KCNE1: variants seen among roughly 807,000 people sequenced by gnomAD.
KCNE1 encodes the protein potassium voltage-gated channel subfamily E member 1.
In KCNE1, 1 loss-of-function variant was observed where a neutral mutation model predicts 2.9. The observed-to-expected ratio is 0.34, with a 90% CI of 0.12 to 1.62. The LOEUF (loss-of-function observed/expected upper bound fraction) is 1.62, where lower values mean the gene tolerates loss of function less well. KCNE1 is among the 40% of genes most tolerant of loss of function. The pLI is 0.36. For missense variants in KCNE1, 45 were observed against 150.5 expected, an observed-to-expected ratio of 0.30 and a Z score of 3.67; for synonymous variants, 23 against 65.4, an observed-to-expected ratio of 0.35 and a Z score of 3.13.
chr21:34,511,268 T>C lies in KCNE1; in HGVS notation c.-329A>G, dbSNP rs1983828667. The C allele has an allele frequency of 1.0e-6, 1 of 985,406 alleles. No homozygotes were observed. Among genetic ancestry groups the C allele is most frequent in the African/African-American group, 1.7e-5 (1 of 57,240 alleles). The allele number at this position is 985,406 out of a possible 1,614,324, so 61.0% of individuals were successfully genotyped here. A position where few individuals can be genotyped will look rare whatever the true frequency, so the allele number is the denominator to read the frequency against. ...CCTGGTTGAGCTCCAGGCCATGCCA[T>C]TCAACGCCCTCCAGGACAGGCCGAA... On this transcript the variant is annotated 5_prime_UTR_variant, in exon 2 of 4. The change abolishes an upstream ATG in the 5' untranslated region. Coordinates refer to ENST00000399286, the MANE Select transcript of KCNE1 (RefSeq NM_000219.6).
intron 2 of KCNE1, among the ~76,000 whole-genome samples, chr21:34,502,204 T>G (rs993165385): frequency 2.0e-5 from 3 of 152,200 alleles, no homozygotes; most frequent in Non-Finnish European, 2.9e-5. Flanking sequence ...GGGCCCCCTT[T>G]GGTAGAAGGG....
chr21:34,511,237 G>C lies in KCNE1; in HGVS notation c.-298C>G. 1.0e-6 allele frequency: 1 copy of C among 985,568 alleles called. No individual in the cohort carries two copies. 61.1% of individuals were successfully genotyped at this position (985,568 alleles called of 1,614,324 possible). A position where few individuals can be genotyped will look rare whatever the true frequency, so the allele number is the denominator to read the frequency against. On this transcript the variant is annotated 5_prime_UTR_variant, in exon 2 of 4. Transcript: ENST00000399286. ...CTTCTGGTCTCTTCCTCCTGAGCACGGTTCTCCTGGTTGAGCTCCAGGCCA... is the reference window on the plus strand; with the variant it reads ...CTTCTGGTCTCTTCCTCCTGAGCACCGTTCTCCTGGTTGAGCTCCAGGCCA...
intron 2 of KCNE1, among the ~76,000 whole-genome samples, chr21:34,505,731 A>T (rs568268206): frequency 2.4e-4 from 36 of 152,312 alleles, no homozygotes; most frequent in Middle Eastern, 3.4e-3. Context: ...TGAGTGGCCC[A>T]CGCAGATTTC....
chr21:34,507,352 C>T (rs555649846), intron 2 of KCNE1, among the ~76,000 whole-genome samples: 16 of 152,076 alleles, frequency 1.1e-4, no homozygotes, highest in Non-Finnish European at 2.2e-4. Context: ...TGTGGACAGG[C>T]GTGCTCATCA....
At chr21:34,502,590 T>C (rs1284280591) in intron 2 of KCNE1, among the ~76,000 whole-genome samples, 1 of 152,228 alleles carries the variant, frequency 6.6e-6, no homozygotes, top group African/African-American at 2.4e-5. Flanking sequence ...GGAGCTCACC[T>C]TGGGCTATGA....
rs1454357076 is a variant in KCNE1, at chr21:34,450,257, T to C, written c.-50-573A>G. ...GACCTAAAAAAAATCACGCATCTCATACAACTAGTTCCTGGCAGCTTATGC... is the reference window on the plus strand; with the variant it reads ...GACCTAAAAAAAATCACGCATCTCACACAACTAGTTCCTGGCAGCTTATGC... On this transcript the variant is annotated intron_variant, in intron 3 of 3. Transcript: ENST00000399286. 3.9e-5 allele frequency among the ~76,000 whole-genome samples: 2 copies of C among 50,684 alleles called. 1 individual carries two copies. 33.3% of individuals were successfully genotyped at this position (50,684 alleles called of 152,430 possible).
chr21:34,506,526 T>A (rs1423243569), intron 2 of KCNE1, among the ~76,000 whole-genome samples: 1 of 152,082 alleles, frequency 6.6e-6, no homozygotes, highest in African/African-American at 2.4e-5. Context: ...TAGGTTCCAT[T>A]ACCTAAGGGA....
intron 2 of KCNE1, among the ~76,000 whole-genome samples, chr21:34,496,368 T>A (rs1982808785): frequency 6.6e-6 from 1 of 152,190 alleles, no homozygotes; most frequent in South Asian, 2.1e-4. Flanking sequence ...CCACCACACC[T>A]GACCCAGTTC....
At chr21:34,498,194 T>A (rs999103584) in intron 2 of KCNE1, among the ~76,000 whole-genome samples, 1 of 152,244 alleles carries the variant, frequency 6.6e-6, no homozygotes, top group African/African-American at 2.4e-5. Flanking sequence ...CAATTTAGAT[T>A]TCTTCTGGGT....
chr21:34,499,369 T>A (rs566826855), intron 2 of KCNE1, among the ~76,000 whole-genome samples: 24 of 152,234 alleles, frequency 1.6e-4, no homozygotes, highest in Admixed American at 1.5e-3. Context: ...TGTCTGCCCA[T>A]CCTGTTGGCC....
chr21:34,509,977 A>T (rs897002467), intron 2 of KCNE1: 12 of 152,168 alleles, frequency 7.9e-5, no homozygotes, highest in African/African-American at 2.9e-4. Context: ...TCAAAGTCAA[A>T]CGAGTCCAGA....
At chr21:34,500,691 C>T (rs912965042) in intron 2 of KCNE1, among the ~76,000 whole-genome samples, 1 of 152,148 alleles carries the variant, frequency 6.6e-6, no homozygotes, top group Non-Finnish European at 1.5e-5. Flanking sequence ...TGTATATGTA[C>T]ACACATATAT....
chr21:34,481,475 C>T (rs1982389653), intron 2 of KCNE1, among the ~76,000 whole-genome samples: 1 of 11,992 alleles, frequency 8.3e-5, no homozygotes, highest in Admixed American at 5.7e-4. Flanking sequence ...AGAGAGACTC[C>T]GTCTCAAAAA....
intron 2 of KCNE1, among the ~76,000 whole-genome samples, chr21:34,504,586 A>G (rs1983367960): frequency 6.6e-6 from 1 of 152,266 alleles, no homozygotes; most frequent in South Asian, 2.1e-4. Context: ...AAATGAAAGT[A>G]CATGTCCACA....
At chr21:34,507,807 G>A (rs1037591093) in intron 2 of KCNE1, among the ~76,000 whole-genome samples, 1 of 152,170 alleles carries the variant, frequency 6.6e-6, no homozygotes, top group African/African-American at 2.4e-5. Flanking sequence ...CTCTACTCTG[G>A]CTTTTAGAAT....
At chr21:34,500,506 G>A (rs1983099307) in intron 2 of KCNE1, among the ~76,000 whole-genome samples, 2 of 152,230 alleles carry the variant, frequency 1.3e-5, no homozygotes, top group South Asian at 2.1e-4. Context: ...TTTCATTTAT[G>A]TTTTGCATAA....
Position 34,505,937 on chromosome 21 carries a change from G to A in KCNE1, c.-162+5164C>T, listed in dbSNP as rs139237502. ...ATTGCAACTTATATGACACAGCAAG[G>A]CAATATAGACTCTGGGGGAAAAAGT... On this transcript the variant is annotated intron_variant, in intron 2 of 3. Transcript: ENST00000399286. Among the ~76,000 whole-genome samples, 20 of 152,312 alleles carry A rather than the reference G, an allele frequency of 1.3e-4. No homozygotes were observed. The East Asian group carries it at 3.9e-3, about 29-fold the overall frequency.
Position 34,499,799 on chromosome 21 carries a change from G to A in KCNE1, c.-162+11302C>T, listed in dbSNP as rs115465060. 4.2e-3 allele frequency among the ~76,000 whole-genome samples: 647 copies of A among 152,288 alleles called. 2 individuals are homozygous for A. The highest frequency in any genetic ancestry group is 0.014 in the African/African-American group (593 of 41,544). On this transcript the variant is annotated intron_variant, in intron 2 of 3. Transcript: ENST00000399286. ...CCTGTCTTGTGGAATTTGCAGCGGT[G>A]TGCCACTTCTTTAAAAGGATCAGTG...
At chr21:34,497,678 A>G (rs1368496933) in intron 2 of KCNE1, among the ~76,000 whole-genome samples, 2 of 152,182 alleles carry the variant, frequency 1.3e-5, no homozygotes, top group African/African-American at 2.4e-5. Context: ...ATCTATTTGC[A>G]ATGAATTTCC....
Sources: allele counts gnomAD v4.1 joint callset (sites outside exome capture counted in the v4.1 genomes callset), GRCh38; gene constraint gnomAD v4.1.1; transcripts MANE v1.5; gene names NCBI Gene and HGNC (gene_info 2026-07-23, HGNC 2026-07-21).